Variants in RBAK observed in about 807,000 individuals in gnomAD.
RBAK encodes RB-associated KRAB zinc finger protein.
A neutral mutation model predicts 65.8 loss-of-function variants in RBAK; 39 were observed. The ratio of observed to expected loss-of-function variants is 0.59; its 90% CI spans 0.46 to 0.77. RBAK has a LOEUF of 0.77. RBAK is among the 30% of genes least tolerant of loss of function. The pLI, the probability that RBAK is intolerant of heterozygous loss-of-function variation, is 0.00. For missense variants in RBAK, 884 were observed against 855.1 expected, an observed-to-expected ratio of 1.03 and a Z score of -0.42; for synonymous variants, 343 against 289.7, an observed-to-expected ratio of 1.18 and a Z score of -1.87.
chr7:5,064,726 A>C lies in RBAK; in HGVS notation c.1270A>C (p.Thr424Pro). Residue 424 changes from threonine to proline, a missense_variant, in exon 5 of 5, where the codon ACG (threonine) becomes CCG (proline). Transcript: ENST00000396912. The surrounding 1 kb of genome is among the most constrained non-coding windows in gnomAD (Gnocchi z 6.3). ...STLITHQRTH[T>P]GEKPYQCSEC... ...TCTGATTACACATCAGAGAACACAC[A>C]CGGGAGAGAAGCCCTATCAGTGTAG... 6 of 1,613,396 alleles carry C rather than the reference A, an allele frequency of 3.7e-6. No homozygotes were observed. Among genetic ancestry groups the C allele is most frequent in the Non-Finnish European group, 5.1e-6 (6 of 1,179,476 alleles).
In RBAK at chr7:5,046,076, TG is replaced by T; in HGVS notation, c.-361del. The T allele has an allele frequency of 3.5e-6, 1 of 288,442 alleles. No individual in the cohort carries two copies. The highest frequency in any genetic ancestry group is 6.6e-6 in the Non-Finnish European group (1 of 151,332). The allele number at this position is 288,442 out of a possible 1,614,324, so 17.9% of individuals were successfully genotyped here. On this transcript the variant is annotated 5_prime_UTR_variant, in exon 1 of 5. Transcript: ENST00000396912. ...GCTTGAGCCCCGGAGCCGGCGGCGC[TG>T]GGGCCAGAGGGGCCGGACGGGAGGT...
Position 5,065,450 on chromosome 7 carries a change from A to T in RBAK, c.1994A>T (p.Tyr665Phe). The T allele has an allele frequency of 6.2e-7, 1 of 1,613,850 alleles. No individual in the cohort carries two copies. The highest frequency in any genetic ancestry group is 8.5e-7 in the Non-Finnish European group (1 of 1,179,760). The change falls in exon 5 of 5, where the codon TAC becomes TTC. Residue 665 changes from tyrosine to phenylalanine, a missense_variant. Tyr to Phe is a conservative substitution (Grantham distance 22). Transcript: ENST00000396912. The surrounding 1 kb of genome is among the most constrained non-coding windows in gnomAD (Gnocchi z 5.3). ...GGGAAAGTCTTTTCTCAGAAGTCAT[A>T]CCTCACTGTACACTATAGAACTCAT... ...ECGKVFSQKS[Y>F]LTVHYRTHSG... is the part of the protein sequence containing the mutation.
intron 4 of RBAK, among the ~76,000 whole-genome samples, chr7:5,058,107 T>A (rs1778973780): frequency 6.6e-6 from 1 of 152,152 alleles, no homozygotes; most frequent in African/African-American, 2.4e-5. Context: ...CAGAATCTTG[T>A]TCTGTCACCC....
chr7:5,054,174 A>G (rs770205166), intron 2 of RBAK, among the ~76,000 whole-genome samples: 5 of 152,142 alleles, frequency 3.3e-5, no homozygotes, highest in Non-Finnish European at 7.4e-5. Flanking sequence ...TGGGAGGCCA[A>G]GGAGGGCAGA....
In RBAK at chr7:5,057,371, T is replaced by A; in HGVS notation, c.92T>A (p.Ile31Lys). Residue 31 changes from isoleucine (I) to lysine (K), a missense_variant, in exon 3 of 5, where the codon ATA becomes AAA. Coordinates refer to ENST00000396912, the MANE Select transcript of RBAK (RefSeq NM_021163.4). The part of the protein sequence containing the change: ...EWQQLDPDEK[I>K]TYRDVMLENY... Reference sequence around the variant, plus strand: ...CAGCAGCTGGACCCTGATGAGAAGATAACTTACAGGGATGTGATGTTGGAG... The same window carrying A: ...CAGCAGCTGGACCCTGATGAGAAGAAAACTTACAGGGATGTGATGTTGGAG... 1 of 1,614,094 alleles carries A rather than the reference T, an allele frequency of 6.2e-7. No homozygotes were observed. The highest frequency in any genetic ancestry group is 8.5e-7 in the Non-Finnish European group (1 of 1,180,024).
At position 5,064,417 on chromosome 7, in the gene RBAK, G is replaced by A. The variant is rs1231346083; in HGVS notation, c.961G>A (p.Glu321Lys). 2 of 1,614,134 alleles carry A rather than the reference G, an allele frequency of 1.2e-6. No homozygotes were observed. The highest frequency in any genetic ancestry group is 1.7e-6 in the Non-Finnish European group (2 of 1,179,996). ...AGAGGAGAAGCCCTATAAATGTAAT[G>A]AATGTGGGAAAACCTTTTGTCAGAA... The part of the protein sequence containing the change: ...HLEEKPYKCN[E>K]CGKTFCQKLH... Residue 321 changes from glutamate (E) to lysine (K), a missense_variant, in exon 5 of 5, where the codon GAA (glutamate) becomes AAA (lysine). Physicochemically the swap from Glu to Lys is moderately conservative, Grantham distance 56 (BLOSUM62 1). Transcript: ENST00000396912. The surrounding 1 kb of genome is among the most constrained non-coding windows in gnomAD (Gnocchi z 6.3).
chr7:5,067,301 A>G lies in RBAK; in HGVS notation c.*1700A>G, dbSNP rs1779244583. On this transcript the variant is annotated 3_prime_UTR_variant, in exon 5 of 5. Transcript: ENST00000396912. ...CTCTATTTGCAGATGCCATGAGTAA[A>G]TTTGGTAAGTTCCCTGCATAAAAGT... 1 of 152,212 alleles carries G rather than the reference A, an allele frequency of 6.6e-6. No homozygotes were observed. Among genetic ancestry groups the G allele is most frequent in the South Asian group, 2.1e-4 (1 of 4,834 alleles). 9.4% of individuals were successfully genotyped at this position (152,212 alleles called of 1,614,324 possible).
chr7:5,050,117 G>A (rs1788083849), intron 2 of RBAK, among the ~76,000 whole-genome samples: 1 of 152,210 alleles, frequency 6.6e-6, no homozygotes, highest in Non-Finnish European at 1.5e-5. Context: ...GATTACAGGT[G>A]TAAGCCACCA....
At chr7:5,061,447 C>CTTTTTT (rs199823841) in intron 4 of RBAK, among the ~76,000 whole-genome samples, 4 of 113,650 alleles carry the variant, frequency 3.5e-5, no homozygotes, top group African/African-American at 7.0e-5. Flanking sequence ...TTTTGTTTTT[C>CTTTTTT]TTTTTCTTTT....
intron 2 of RBAK, among the ~76,000 whole-genome samples, chr7:5,055,034 G>A (rs1293671084): frequency 7.2e-5 from 11 of 151,760 alleles, no homozygotes; most frequent in Middle Eastern, 3.4e-3. Flanking sequence ...TGCCCGCCTC[G>A]GCCTCCCAAA....
In RBAK at chr7:5,065,508, T is replaced by C. The variant is rs750491094; in HGVS notation, c.2052T>C (p.Cys684=). Residue 684 remains cysteine, a synonymous_variant, in exon 5 of 5, where the codon TGT becomes TGC. Transcript: ENST00000396912. This position sits in a 1 kb window ranked among gnomAD's most constrained non-coding sequence, Gnocchi z 5.3. ...SGEKPYECNE[C]GKKFHHRSAF... is the part of the protein sequence containing the mutation. ...AGAAACCCTATGAATGTAACGAGTG[T>C]GGGAAAAAATTCCACCACAGATCAG... The C allele has an allele frequency of 1.2e-6, 2 of 1,606,196 alleles. No individual in the cohort carries two copies. The highest frequency in any genetic ancestry group is 1.7e-6 in the Non-Finnish European group (2 of 1,176,898).
At chr7:5,054,601 A>G (rs1254096883) in intron 2 of RBAK, among the ~76,000 whole-genome samples, 4 of 151,758 alleles carry the variant, frequency 2.6e-5, no homozygotes, top group African/African-American at 4.8e-5. Flanking sequence ...TCTAATATAT[A>G]TATTTTTTTC....
intron 2 of RBAK, among the ~76,000 whole-genome samples, chr7:5,052,420 T>C (rs1396598264): frequency 6.6e-6 from 1 of 152,240 alleles, no homozygotes; most frequent in Admixed American, 6.5e-5. Context: ...ATCTTCTTTG[T>C]TTCTTTTTAA....
At chr7:5,057,094 A>G (rs540255469) in intron 2 of RBAK, 2 of 204,102 alleles carry the variant, frequency 9.8e-6, no homozygotes, top group East Asian at 3.3e-4. Context: ...TATTATATAT[A>G]TTTATATATA....
intron 1 of RBAK, among the ~76,000 whole-genome samples, chr7:5,047,015 A>T (rs894505088): frequency 2.6e-5 from 4 of 152,208 alleles, no homozygotes; most frequent in African/African-American, 9.7e-5. Flanking sequence ...TAGAAACAAA[A>T]CCATATTTTA....
At chr7:5,063,283 C>T (rs1017927131) in intron 4 of RBAK, among the ~76,000 whole-genome samples, 1 of 152,224 alleles carries the variant, frequency 6.6e-6, no homozygotes, top group African/African-American at 2.4e-5. Context: ...CTTCCCACAA[C>T]ACATTTGATC....
At chr7:5,046,700 C>T (rs1326344046) in intron 1 of RBAK, among the ~76,000 whole-genome samples, 4 of 152,210 alleles carry the variant, frequency 2.6e-5, no homozygotes, top group Non-Finnish European at 5.9e-5. Context: ...CTCCTCTAAA[C>T]GTCCGTCAGC....
intron 4 of RBAK, 22 bp from the exon 5 acceptor site, chr7:5,063,673 G>A: frequency 6.5e-7 from 1 of 1,534,992 alleles, no homozygotes. Flanking sequence ...TACAAAGTTT[G>A]TTTACTATTT....
chr7:5,049,864 C>T (rs1788078004), intron 2 of RBAK, among the ~76,000 whole-genome samples: 1 of 152,082 alleles, frequency 6.6e-6, no homozygotes, highest in South Asian at 2.1e-4. Context: ...GCTACAGGCG[C>T]AAGCTGCCAC....
Sources: gnomAD v4.1 joint callset for allele counts (sites outside exome capture counted in the v4.1 genomes callset) on GRCh38, gnomAD v4.1.1 for gene constraint, Gnocchi (gnomAD v3.1) non-coding constraint, MANE v1.5 for transcripts, NCBI Gene and HGNC (gene_info 2026-07-23, HGNC 2026-07-21) for gene names.